The following SEMA6D variants were observed in gnomAD, a reference collection of about 807,000 sequenced individuals.
SEMA6D encodes semaphorin-6D.
In SEMA6D, 35 loss-of-function variants were observed where a neutral mutation model predicts 106.6. The ratio of observed to expected loss-of-function variants is 0.33; its 90% confidence interval spans 0.25 to 0.44. SEMA6D has a LOEUF of 0.44. SEMA6D is among the 20% of genes least tolerant of loss of function. SEMA6D has a pLI of 1.00. For missense variants in SEMA6D, 1,185 were observed against 1,345.9 expected, an observed-to-expected ratio of 0.88 and a Z score of 1.87; for synonymous variants, 499 against 487.7, an observed-to-expected ratio of 1.02 and a Z score of -0.31.
chr15:47,744,441 C>T (rs963921971), intron 1 of SEMA6D, among the ~76,000 whole-genome samples: 14 of 152,096 alleles, frequency 9.2e-5, no homozygotes, highest in Non-Finnish European at 1.6e-4. Flanking sequence ...TCCCACAGCA[C>T]ATCCTACAAT....
intron 4 of SEMA6D, among the ~76,000 whole-genome samples, chr15:47,622,543 G>A (rs980258608): frequency 2.6e-5 from 4 of 152,092 alleles, no homozygotes; most frequent in Non-Finnish European, 4.4e-5. Flanking sequence ...CCTTGCTCCT[G>A]ATATCCTCTT....
At chr15:47,651,837 G>T (rs1172679626) in intron 4 of SEMA6D, among the ~76,000 whole-genome samples, 1 of 152,086 alleles carries the variant, frequency 6.6e-6, no homozygotes, top group East Asian at 1.9e-4. Context: ...TTGGTATCTG[G>T]TCTCCAGGAC....
At chr15:47,278,707 G>C (rs1242297666) in intron 1 of SEMA6D, among the ~76,000 whole-genome samples, 1 of 151,580 alleles carries the variant, frequency 6.6e-6, no homozygotes, top group Admixed American at 6.6e-5. Context: ...GTCCTGAATG[G>C]TAATGCCTAG....
At position 47,736,706 on chromosome 15, in the gene SEMA6D, C is replaced by T. The variant is rs1596877972; in HGVS notation, c.-55+19014C>T. 1.3e-5 allele frequency among the ~76,000 whole-genome samples: 2 copies of T among 152,150 alleles called. 1 individual carries two copies. Among genetic ancestry groups the T allele is most frequent in the South Asian group, 4.1e-4 (2 of 4,826 alleles). On this transcript the variant is annotated intron_variant, in intron 1 of 18. Transcript: ENST00000536845. ...TAAGCCAGAACTTCCTTCTCCATTT[C>T]CCTGTGCATGTTTTAGAGTTGAGGA...
At chr15:47,641,804 C>G (rs528980906) in intron 4 of SEMA6D, among the ~76,000 whole-genome samples, 2 of 152,284 alleles carry the variant, frequency 1.3e-5, no homozygotes, top group South Asian at 2.1e-4. Context: ...ACGTCATGCT[C>G]CCCACACTGC....
chr15:47,363,014 T>A (rs1595828233), intron 1 of SEMA6D, among the ~76,000 whole-genome samples: 1 of 152,176 alleles, frequency 6.6e-6, no homozygotes, highest in South Asian at 2.1e-4. Context: ...TCAAGTTTAA[T>A]TAGAAAGAAA....
At chr15:47,749,069 TC>T (rs2081290238) in intron 1 of SEMA6D, among the ~76,000 whole-genome samples, 8 of 95,862 alleles carry the variant, frequency 8.3e-5, no homozygotes, top group African/African-American at 2.7e-4. Flanking sequence ...TAGTTGTAAA[TC>T]TTTTTTTTTC....
intron 2 of SEMA6D, among the ~76,000 whole-genome samples, chr15:47,436,301 CATCGCTTCA>C (rs764281394): frequency 2.0e-5 from 3 of 151,514 alleles, no homozygotes; most frequent in Non-Finnish European, 2.9e-5. Flanking sequence ...AAGGCAGGAC[CATCGCTTCA>C]ACCCAGGAAG....
At chr15:47,596,929 A>G (rs1259136850) in intron 3 of SEMA6D, among the ~76,000 whole-genome samples, 8 of 152,118 alleles carry the variant, frequency 5.3e-5, no homozygotes, top group African/African-American at 1.9e-4. Context: ...AAAAATAAAC[A>G]AAAGGCATTA....
intron 1 of SEMA6D, among the ~76,000 whole-genome samples, chr15:47,288,202 T>C (rs8035344): frequency 0.082 from 12,410 of 152,222 alleles, 954 homozygotes; most frequent in African/African-American, 0.2. Flanking sequence ...ACAAGTCTCA[T>C]GTCTGTCCAT....
At chr15:47,265,615 C>T (rs982058223) in intron 1 of SEMA6D, among the ~76,000 whole-genome samples, 3 of 151,770 alleles carry the variant, frequency 2.0e-5, no homozygotes, top group Admixed American at 6.6e-5. Context: ...TTTTTGTTAA[C>T]TTATTTTTCT....
chr15:47,354,429 A>G (rs141219236), intron 1 of SEMA6D, among the ~76,000 whole-genome samples: 1,482 of 147,858 alleles, frequency 0.01, 25 homozygotes, highest in African/African-American at 0.035. Context: ...ACATATACCT[A>G]TATATATGGA....
chr15:47,297,319 T>C (rs925620154), intron 1 of SEMA6D, among the ~76,000 whole-genome samples: 3 of 152,234 alleles, frequency 2.0e-5, no homozygotes, highest in Admixed American at 6.5e-5. Context: ...TTTAGTTTCT[T>C]GCACAGGATT....
chr15:47,277,004 C>T (rs1468064491), intron 1 of SEMA6D, among the ~76,000 whole-genome samples: 1 of 152,046 alleles, frequency 6.6e-6, no homozygotes, highest in African/African-American at 2.4e-5. Context: ...GTTAATACTT[C>T]AGTGGAGGAA....
At chr15:47,271,327 A>T (rs1474296554) in intron 1 of SEMA6D, among the ~76,000 whole-genome samples, 1 of 152,188 alleles carries the variant, frequency 6.6e-6, no homozygotes, top group African/African-American at 2.4e-5. Context: ...CACAAGTCTT[A>T]TGAGAGCCGT....
intron 1 of SEMA6D, among the ~76,000 whole-genome samples, chr15:47,320,659 T>C (rs1469983959): frequency 6.6e-6 from 1 of 152,196 alleles, no homozygotes; most frequent in Admixed American, 6.5e-5. Flanking sequence ...ACTTAATGCA[T>C]GCCATTCTTT....
chr15:47,665,280 G>A (rs989112922), intron 4 of SEMA6D, among the ~76,000 whole-genome samples: 12 of 152,062 alleles, frequency 7.9e-5, no homozygotes, highest in Non-Finnish European at 1.5e-4. Flanking sequence ...TTTCCTCTAC[G>A]TTTAATTGTT....
At chr15:47,759,263 G>A (rs2081936638) in intron 1 of SEMA6D, among the ~76,000 whole-genome samples, 1 of 152,142 alleles carries the variant, frequency 6.6e-6, no homozygotes, top group African/African-American at 2.4e-5. Context: ...AACACCATAA[G>A]CAAAGAGCTA....
chr15:47,424,644 A>G (rs1012548445), intron 2 of SEMA6D, among the ~76,000 whole-genome samples: 1 of 152,138 alleles, frequency 6.6e-6, no homozygotes, highest in African/African-American at 2.4e-5. Flanking sequence ...AGCGTCAGAA[A>G]TCTGAAAATA....
Sources: gnomAD v4.1 joint callset for allele counts (sites outside exome capture counted in the v4.1 genomes callset) on GRCh38, gnomAD v4.1.1 for gene constraint, MANE v1.5 for transcripts, NCBI Gene and HGNC (gene_info 2026-07-23, HGNC 2026-07-21) for gene names.